The following CENPW variants were observed in gnomAD, a reference collection of about 807,000 sequenced individuals.
CENPW encodes cancer-up-regulated gene 2 protein.
Under a neutral mutation model 11.1 loss-of-function variants are expected in CENPW, and 3 were observed. The ratio of observed to expected loss-of-function variants is 0.27; its 90% CI spans 0.12 to 0.70. The LOEUF is 0.70. Ranked by LOEUF, CENPW falls within the 30% of genes least tolerant of loss-of-function variation. The pLI, the probability that CENPW is intolerant of heterozygous loss-of-function variation, is 0.77. For missense variants in CENPW, 100 were observed against 105.6 expected (o/e 0.95, Z 0.23); for synonymous variants, 38 against 42.0 (o/e 0.91, Z 0.37).
At chr6:126,398,968 A>G in the CENPW span, among the ~76,000 whole-genome samples, 7 of 151,882 alleles carry the variant, frequency 4.6e-5, no homozygotes, top group Non-Finnish European at 8.8e-5. Context: ...AGCTGCATTC[A>G]TGTTCCAAAG....
intron 1 of CENPW, among the ~76,000 whole-genome samples, chr6:126,342,684 ATCT>A (rs1289979563): frequency 1.3e-5 from 2 of 152,026 alleles, no homozygotes; most frequent in East Asian, 1.9e-4. Flanking sequence ...GATCAATCTT[ATCT>A]TCTTCTCCAT....
chr6:126,423,714 T>C, the CENPW span, among the ~76,000 whole-genome samples: 77 of 151,980 alleles, frequency 5.1e-4, 3 homozygotes, highest in Non-Finnish European at 2.5e-4. Context: ...CATAGAACAC[T>C]GCTATTGGTA....
the CENPW span, among the ~76,000 whole-genome samples, chr6:126,406,283 T>A: frequency 2.0e-5 from 3 of 152,156 alleles, no homozygotes; most frequent in Non-Finnish European, 4.4e-5. Context: ...CCTTGCTCCC[T>A]GAGATAAATC....
chr6:126,451,762 G>A, the CENPW span, among the ~76,000 whole-genome samples: 2 of 151,056 alleles, frequency 1.3e-5, no homozygotes, highest in African/African-American at 4.8e-5. Context: ...ACACAAGTGT[G>A]TGACAGGAGT....
chr6:126,361,673 A>G, the CENPW span, among the ~76,000 whole-genome samples: 1 of 151,308 alleles, frequency 6.6e-6, no homozygotes, highest in Non-Finnish European at 1.5e-5. Flanking sequence ...GCTCCTGGGC[A>G]TTTAGGGAAT....
At chr6:126,452,294 G>A in the CENPW span, among the ~76,000 whole-genome samples, 11 of 151,068 alleles carry the variant, frequency 7.3e-5, no homozygotes, top group Admixed American at 6.6e-5. Flanking sequence ...TGAGATTCCA[G>A]AACAAATGAC....
chr6:126,366,674 A>G, the CENPW span, among the ~76,000 whole-genome samples: 1 of 152,348 alleles, frequency 6.6e-6, no homozygotes, highest in East Asian at 1.9e-4. Flanking sequence ...AGTAGAGTGA[A>G]AGAGAGACAC....
At chr6:126,351,532 T>C (rs1202043847), downstream of CENPW, among the ~76,000 whole-genome samples, 1 of 152,020 alleles carries the variant, frequency 6.6e-6, no homozygotes, top group Non-Finnish European at 1.5e-5. Context: ...AATGTGGAGT[T>C]TATTAGAGGT....
chr6:126,425,324 A>G, the CENPW span, among the ~76,000 whole-genome samples: 2 of 152,142 alleles, frequency 1.3e-5, no homozygotes, highest in Non-Finnish European at 2.9e-5. Flanking sequence ...TTCCTTCTGT[A>G]GTGAAATCAC....
chr6:126,470,884 G>A, the CENPW span, among the ~76,000 whole-genome samples: 1 of 152,226 alleles, frequency 6.6e-6, no homozygotes, highest in Non-Finnish European at 1.5e-5. Flanking sequence ...CATTTGTAAT[G>A]AGAACATTTA....
downstream of CENPW, among the ~76,000 whole-genome samples, chr6:126,349,970 C>T (rs956416146): frequency 2.0e-5 from 3 of 152,020 alleles, no homozygotes; most frequent in Non-Finnish European, 4.4e-5. Flanking sequence ...CCTTTAGCCT[C>T]CTGAGTAGCC....
chr6:126,454,761 T>C, the CENPW span, among the ~76,000 whole-genome samples: 1 of 151,030 alleles, frequency 6.6e-6, no homozygotes, highest in African/African-American at 2.4e-5. Context: ...AAACAGATCA[T>C]ACAAAAGTTC....
chr6:126,386,975 A>G, the CENPW span, among the ~76,000 whole-genome samples: 10 of 151,984 alleles, frequency 6.6e-5, no homozygotes, highest in Non-Finnish European at 1.3e-4. Flanking sequence ...TAATTTAAAA[A>G]TAATTTACTA....
the CENPW span, among the ~76,000 whole-genome samples, chr6:126,474,526 CA>C: frequency 6.6e-6 from 1 of 152,030 alleles, no homozygotes; most frequent in African/African-American, 2.4e-5. Flanking sequence ...AGGTAGTTCC[CA>C]AAAGAGTTAT....
At chr6:126,467,857 A>G in the CENPW span, among the ~76,000 whole-genome samples, 2 of 152,196 alleles carry the variant, frequency 1.3e-5, no homozygotes, top group Admixed American at 1.3e-4. Flanking sequence ...CAAAATCAAC[A>G]TCAATAATAA....
chr6:126,351,494 C>T (rs943282436), downstream of CENPW, among the ~76,000 whole-genome samples: 1 of 151,972 alleles, frequency 6.6e-6, no homozygotes, highest in African/African-American at 2.4e-5. Context: ...TACTTCCCTA[C>T]CTGACTTAGA....
chr6:126,479,463 T>C, the CENPW span, among the ~76,000 whole-genome samples: 1 of 151,886 alleles, frequency 6.6e-6, no homozygotes, highest in African/African-American at 2.4e-5. Context: ...CAGTAGACCA[T>C]ACAGTTCATT....
the CENPW span, among the ~76,000 whole-genome samples, chr6:126,416,888 CCA>C: frequency 1.3e-5 from 2 of 152,140 alleles, no homozygotes; most frequent in African/African-American, 4.8e-5. Flanking sequence ...GGGTTGGAGC[CCA>C]CACACAGAGT....
chr6:126,374,891 A>G, the CENPW span, among the ~76,000 whole-genome samples: 2 of 152,240 alleles, frequency 1.3e-5, no homozygotes, highest in Non-Finnish European at 2.9e-5. Flanking sequence ...GCTGAAACCT[A>G]TGCTCATCTT....
Sources: gnomAD v4.1 joint callset for allele counts (sites outside exome capture counted in the v4.1 genomes callset) on GRCh38, gnomAD v4.1.1 for gene constraint, MANE v1.5 for transcripts, NCBI Gene and HGNC (gene_info 2026-07-23, HGNC 2026-07-21) for gene names.